RERE: variants seen among roughly 807,000 people sequenced by gnomAD.
RERE encodes arginine-glutamic acid dipeptide repeats protein.
In RERE, 40 loss-of-function variants were observed where a neutral mutation model predicts 146.1. The observed-to-expected ratio is 0.27, with a 90% CI of 0.21 to 0.36. The LOEUF is 0.36. RERE is among the 10% of genes least tolerant of loss of function. RERE has a pLI of 1.00. For missense variants in RERE, 1,933 were observed against 2,138.7 expected (o/e 0.90, Z 1.90); for synonymous variants, 1,003 against 866.0 (o/e 1.16, Z -2.78).
chr1:8,462,477 G>A (rs1644539527), intron 11 of RERE, among the ~76,000 whole-genome samples: 1 of 152,242 alleles, frequency 6.6e-6, no homozygotes, highest in Admixed American at 6.5e-5. Context: ...AGCTGAGACT[G>A]GAGAACGAGT....
chr1:8,578,080 G>A (rs1646318033), intron 4 of RERE, among the ~76,000 whole-genome samples: 1 of 150,412 alleles, frequency 6.6e-6, no homozygotes, highest in Non-Finnish European at 1.5e-5. Flanking sequence ...GACAGAGCAG[G>A]ACTCCATCCG....
At chr1:8,554,072 G>A (rs983616600) in intron 6 of RERE, among the ~76,000 whole-genome samples, 8 of 152,200 alleles carry the variant, frequency 5.3e-5, no homozygotes, top group African/African-American at 1.9e-4. Context: ...AGCTACTCGG[G>A]AGACTGAGGT....
intron 12 of RERE, among the ~76,000 whole-genome samples, chr1:8,420,280 T>G (rs1007384877): frequency 6.6e-6 from 1 of 151,996 alleles, no homozygotes; most frequent in Non-Finnish European, 1.5e-5. Flanking sequence ...CAGAGTTAGA[T>G]CTTGTCTCAT....
At chr1:8,624,432 A>C in intron 2 of RERE, 52 bp from the exon 3 acceptor site, 1 of 1,162,346 alleles carries the variant, frequency 8.6e-7, no homozygotes, top group Non-Finnish European at 1.3e-6. Context: ...TTAAGGAACA[A>C]AGACAGGGCC....
chr1:8,717,588 A>G (rs1639788884), intron 1 of RERE, among the ~76,000 whole-genome samples: 1 of 152,264 alleles, frequency 6.6e-6, no homozygotes, highest in Admixed American at 6.5e-5. Flanking sequence ...TCAATGACTC[A>G]AACAGAGGCA....
At chr1:8,782,325 TTCC>T (rs2124561818) in intron 1 of RERE, among the ~76,000 whole-genome samples, 1 of 152,246 alleles carries the variant, frequency 6.6e-6, no homozygotes, top group Non-Finnish European at 1.5e-5. Context: ...TTTCTTGGTT[TTCC>T]TCCTTTTTTG....
intron 1 of RERE, among the ~76,000 whole-genome samples, chr1:8,659,809 G>C (rs1024092623): frequency 6.6e-6 from 1 of 152,082 alleles, no homozygotes; most frequent in Admixed American, 6.5e-5. Flanking sequence ...AGCACTCAAA[G>C]AGAAAAAATA....
At chr1:8,604,943 ACTGAAGAAAAAT>A (rs1646683708) in intron 4 of RERE, among the ~76,000 whole-genome samples, 1 of 152,206 alleles carries the variant, frequency 6.6e-6, no homozygotes, top group Admixed American at 6.5e-5. Context: ...GGTTTATCTT[ACTGAAGAAAAAT>A]CTGAAGAAAA....
intron 1 of RERE, among the ~76,000 whole-genome samples, chr1:8,768,896 G>C (rs890789206): frequency 6.6e-6 from 1 of 152,194 alleles, no homozygotes; most frequent in Non-Finnish European, 1.5e-5. Flanking sequence ...TAGAGAAGGA[G>C]TTCATCATCC....
chr1:8,786,328 T>C (rs2124566970), intron 1 of RERE: 3 of 873,824 alleles, frequency 3.4e-6, no homozygotes, highest in South Asian at 1.3e-5. Context: ...CAGGAAGTTA[T>C]TTGCTTCTTT....
chr1:8,605,844 A>ATTTTTTTT (rs1646701466), intron 4 of RERE, among the ~76,000 whole-genome samples: 1 of 16,838 alleles, frequency 5.9e-5, no homozygotes, highest in Non-Finnish European at 9.8e-5. Flanking sequence ...TAAATACCAA[A>ATTTTTTTT]CTTTTTTTTT....
intron 4 of RERE, among the ~76,000 whole-genome samples, chr1:8,601,768 C>A (rs941140773): frequency 7.1e-5 from 9 of 126,126 alleles, no homozygotes; most frequent in East Asian, 2.0e-4. Flanking sequence ...CACACACACA[C>A]ACACACACAA....
intron 1 of RERE, among the ~76,000 whole-genome samples, chr1:8,742,541 C>T (rs1640329406): frequency 6.6e-6 from 1 of 152,176 alleles, no homozygotes; most frequent in African/African-American, 2.4e-5. Flanking sequence ...AGTACAACCA[C>T]CAGCAGTGCT....
At chr1:8,545,208 G>A (rs1645843280) in intron 6 of RERE, among the ~76,000 whole-genome samples, 1 of 152,190 alleles carries the variant, frequency 6.6e-6, no homozygotes, top group Non-Finnish European at 1.5e-5. Flanking sequence ...CTAAAGCAAT[G>A]CTTCACTGTT....
rs1197212764 is a variant in RERE at position 8,530,679 on chromosome 1, C to CTTTTTTT, written c.830+10528_830+10534dup. Among the ~76,000 whole-genome samples the CTTTTTTT allele has an allele frequency of 7.3e-3, 711 of 96,850 alleles. 10 individuals are homozygous for CTTTTTTT. The highest frequency in any genetic ancestry group is 0.014 in the African/African-American group (336 of 24,788). The allele number at this position is 96,850 out of a possible 152,430, so 63.5% of individuals were successfully genotyped here. ...AGACATGGAACTGAGTTTTCGTTTT[C>CTTTTTTT]TTTTTTTTTTTTTTTTTTTTTTTGA... On this transcript the variant is annotated intron_variant, in intron 7 of 22. Transcript: ENST00000400908.
At chr1:8,741,556 T>C (rs115556236) in intron 1 of RERE, among the ~76,000 whole-genome samples, 6,545 of 152,266 alleles carry the variant, frequency 0.043, 462 homozygotes, top group African/African-American at 0.15. Context: ...AGATCCGATC[T>C]GATGGTTTTA....
chr1:8,358,472 T>A lies in RERE; in HGVS notation c.4063A>T (p.Ile1355Phe). The A allele has an allele frequency of 6.3e-7, 1 of 1,582,840 alleles. No homozygotes were observed. Among genetic ancestry groups the A allele is most frequent in the Non-Finnish European group, 8.6e-7 (1 of 1,162,188 alleles). The change falls in exon 20 of 23, where the codon ATC becomes TTC. Residue 1355 changes from isoleucine (I) to phenylalanine (F), a missense_variant. Coordinates refer to ENST00000400908, the MANE Select transcript of RERE (RefSeq NM_001042681.2). ...GGGTGGGGCCCGGCGGTCGGGGGGATGGTGAGGGCGCTGTGCCGGGCAAAG... is the reference window on the plus strand; with the variant it reads ...GGGTGGGGCCCGGCGGTCGGGGGGAAGGTGAGGGCGCTGTGCCGGGCAAAG... ...EHFARHSALTIPPTAGPHPFA... is the reference protein window; with the variant it reads ...EHFARHSALTFPPTAGPHPFA...
intron 1 of RERE, among the ~76,000 whole-genome samples, chr1:8,709,234 A>G (rs1166621573): frequency 6.6e-6 from 1 of 151,816 alleles, no homozygotes; most frequent in Non-Finnish European, 1.5e-5. Context: ...TAGAGTTTTT[A>G]AAAGAAAAAA....
rs180987796 is a variant in RERE at position 8,436,919 on chromosome 1, T to C, written c.1204-14112A>G. Among the ~76,000 whole-genome samples the C allele has an allele frequency of 4.3e-4, 66 of 152,328 alleles. No homozygotes were observed. The East Asian group carries it at 4.4e-3, about 10-fold the overall frequency. On this transcript the variant is annotated intron_variant, in intron 11 of 22. Transcript: ENST00000400908. ...CCACAAGAGACCAGTGGTTACCACA[T>C]TGGAAAGCACAGGTCTAGAATAATC...
Sources: allele counts gnomAD v4.1 joint callset (sites outside exome capture counted in the v4.1 genomes callset), GRCh38; gene constraint gnomAD v4.1.1; transcripts MANE v1.5; gene names NCBI Gene and HGNC (gene_info 2026-07-23, HGNC 2026-07-21).